VPS13A: variants seen among roughly 807,000 people sequenced by gnomAD.
VPS13A encodes intermembrane lipid transfer protein VPS13A.
VPS13A carries 264 observed loss-of-function variants against 390.9 expected under a neutral mutation model. That is an observed-to-expected ratio of 0.68 (90% CI 0.61 to 0.75). VPS13A has a LOEUF of 0.75. Among genes scored for constraint, VPS13A ranks in the 30% least tolerant of loss-of-function variants. The pLI is 0.00. For synonymous variants in VPS13A, 1,231 were observed against 1,227.1 expected, an observed-to-expected ratio of 1.00 and a Z score of -0.07; for missense variants, 3,409 against 3,733.9, an observed-to-expected ratio of 0.91 and a Z score of 2.27.
intron 5 of VPS13A, 120 bp downstream of exon 5, chr9:77,206,199 T>G: frequency 2.7e-6 from 2 of 750,360 alleles, no homozygotes; most frequent in Non-Finnish European, 2.2e-6. Flanking sequence ...TATGATAGAA[T>G]CTCATTGCAT....
rs564797495 is a variant in VPS13A, at chr9:77,232,753, C to T, written c.1595+4489C>T. ...AGACCTCATGAGACTTATTCACTAT[C>T]ATGAGAACAGCACTGGAAAAACCTA... On this transcript the variant is annotated intron_variant, in intron 17 of 71. Transcript: ENST00000360280. Among the ~76,000 whole-genome samples, 17 of 152,266 alleles carry T rather than the reference C, an allele frequency of 1.1e-4. No homozygotes were observed. The East Asian group carries it at 2.7e-3, about 24-fold the overall frequency.
chr9:77,328,148 A>G (rs562081139), intron 45 of VPS13A, among the ~76,000 whole-genome samples: 4 of 152,342 alleles, frequency 2.6e-5, no homozygotes, highest in African/African-American at 9.6e-5. Context: ...GTTAGCAGGC[A>G]TGAAAGCAAC....
rs1826172622 is a variant in VPS13A at position 77,268,703 on chromosome 9, C to A, written c.2428-4577C>A. ...ATCTGTAATCCCAGCACTTAGGGAG[C>A]CCGAGGCAGGCAGATCACTTGAGGT... On this transcript the variant is annotated intron_variant, in intron 23 of 71. Coordinates refer to ENST00000360280, the MANE Select transcript of VPS13A (RefSeq NM_033305.3). Among the ~76,000 whole-genome samples the A allele has an allele frequency of 2.0e-5, 3 of 151,940 alleles. 1 individual carries two copies. In the South Asian group the frequency reaches 6.2e-4, roughly 32 times the overall value.
intron 68 of VPS13A, among the ~76,000 whole-genome samples, chr9:77,397,148 A>G (rs1471333567): frequency 6.6e-6 from 1 of 151,746 alleles, no homozygotes; most frequent in Non-Finnish European, 1.5e-5. Flanking sequence ...TGCCACCACA[A>G]CCAGTTAATT....
At chr9:77,268,018 C>T (rs560120635) in intron 23 of VPS13A, among the ~76,000 whole-genome samples, 1 of 152,200 alleles carries the variant, frequency 6.6e-6, no homozygotes, top group Non-Finnish European at 1.5e-5. Flanking sequence ...CCGCTCCCCC[C>T]ACCAAGCATC....
intron 17 of VPS13A, among the ~76,000 whole-genome samples, chr9:77,236,192 C>G (rs1824133148): frequency 6.6e-6 from 1 of 152,152 alleles, no homozygotes; most frequent in African/African-American, 2.4e-5. Flanking sequence ...CAAGGAACAT[C>G]TGTAGTGAAG....
At chr9:77,343,963 A>G (rs1373305008) in intron 50 of VPS13A, among the ~76,000 whole-genome samples, 190 bp from the exon 51 acceptor site, 3 of 152,200 alleles carry the variant, frequency 2.0e-5, no homozygotes, top group Admixed American at 6.5e-5. Flanking sequence ...TCTTGAATGC[A>G]TAGTGCTGAC....
In VPS13A at chr9:77,418,648, A is replaced by T. The variant is rs899329737; in HGVS notation, c.*2642A>T. 2 of 139,514 alleles carry T rather than the reference A, an allele frequency of 1.4e-5. No individual in the cohort carries two copies. The highest frequency in any genetic ancestry group is 3.2e-5 in the Non-Finnish European group (2 of 63,396). The allele number at this position is 139,514 out of a possible 1,614,324, so 8.6% of individuals were successfully genotyped here. The stretch of plus-strand genomic sequence containing the variant: ...CCTAAACAATCATTACCACCTGTAG[A>T]CAGTTCTTACCTACCCCTCTCCTCC... On this transcript the variant is annotated 3_prime_UTR_variant, in exon 72 of 72. Coordinates refer to ENST00000360280, the MANE Select transcript of VPS13A (RefSeq NM_033305.3).
chr9:77,319,693 T>C lies in VPS13A; in HGVS notation c.5415+20T>C, dbSNP rs369608201. On this transcript the variant is annotated intron_variant, in intron 42 of 71. Transcript: ENST00000360280. ...ATCAAGGTATATCTATATATGTCTA[T>C]GTGTGTATATATATATATATGTATT... The C allele has an allele frequency of 8.9e-6, 11 of 1,239,236 alleles. No homozygotes were observed. Among genetic ancestry groups the C allele is most frequent in the Admixed American group, 1.8e-5 (1 of 56,410 alleles). 76.8% of individuals were successfully genotyped at this position (1,239,236 alleles called of 1,614,324 possible).
In VPS13A at chr9:77,228,158, A is replaced by G. The variant is rs912856559; in HGVS notation, c.1489A>G (p.Met497Val). ...ALKFFVHLKSMSIVLRENHQK... is the reference protein window; with the variant it reads ...ALKFFVHLKSVSIVLRENHQK... ...GAAGTTTTTTGTCCACTTGAAAAGT[A>G]TGTCTATTGTTCTAAGAGAAAATCA... Residue 497 changes from methionine (M) to valine (V), a missense_variant, in exon 17 of 72, where the codon ATG becomes GTG. This residue lies in a region of VPS13A where 2,717 missense variants were observed against 2,917.4 expected (regional missense o/e 0.93). Transcript: ENST00000360280. The G allele has an allele frequency of 4.4e-6, 7 of 1,604,346 alleles. No individual in the cohort carries two copies. Among genetic ancestry groups the G allele is most frequent in the Middle Eastern group, 2.0e-4 (1 of 4,930 alleles).
rs969119719 is a variant in VPS13A at position 77,285,526 on chromosome 9, A to G, written c.3339+1876A>G. Reference sequence around the variant, plus strand: ...TTCATAAAAAATATTTTGAAAGTAAAGGCTTAAAAAAATCCAATTTTTAAT... The same window carrying G: ...TTCATAAAAAATATTTTGAAAGTAAGGGCTTAAAAAAATCCAATTTTTAAT... On this transcript the variant is annotated intron_variant, in intron 31 of 71. Transcript: ENST00000360280. Among the ~76,000 whole-genome samples, 4 of 152,252 alleles carry G rather than the reference A, an allele frequency of 2.6e-5. No homozygotes were observed. The South Asian group carries it at 8.3e-4, about 32-fold the overall frequency.
chr9:77,248,820 C>G (rs1230821549), intron 20 of VPS13A, among the ~76,000 whole-genome samples: 1 of 152,130 alleles, frequency 6.6e-6, no homozygotes, highest in African/African-American at 2.4e-5. Flanking sequence ...CAACCTCTGC[C>G]TCCCGAGTTC....
At chr9:77,384,381 G>C (rs1563980670) in intron 68 of VPS13A, among the ~76,000 whole-genome samples, 1 of 151,668 alleles carries the variant, frequency 6.6e-6, no homozygotes, top group Admixed American at 6.6e-5. Context: ...TTTATACATT[G>C]AGTTTGTACC....
At position 77,327,916 on chromosome 9, in the gene VPS13A, AT is replaced by A. The variant is rs750478252; in HGVS notation, c.5992-4093del. On this transcript the variant is annotated intron_variant, in intron 45 of 71. Coordinates refer to ENST00000360280, the MANE Select transcript of VPS13A (RefSeq NM_033305.3). ...TTTGACCTGTTCTCATGTATCACAA[AT>A]GTTATTAATGGCGTCTAGATGATGA... Among the ~76,000 whole-genome samples, 13 of 152,250 alleles carry A rather than the reference AT, an allele frequency of 8.5e-5. No individual in the cohort carries two copies. In the East Asian group the frequency reaches 1.7e-3, roughly 20 times the overall value.
chr9:77,213,454 G>C, intron 9 of VPS13A, 140 bp downstream of exon 9: 1 of 680,106 alleles, frequency 1.5e-6, no homozygotes, highest in Non-Finnish European at 2.6e-6. Flanking sequence ...TACAGGTGAA[G>C]ATGTGTGTAA....
chr9:77,302,801 A>C, intron 33 of VPS13A, 114 bp from the exon 34 acceptor site: 1 of 1,174,044 alleles, frequency 8.5e-7, no homozygotes, highest in Non-Finnish European at 1.2e-6. Flanking sequence ...CTTTATACCC[A>C]ACAAATTATT....
In VPS13A at chr9:77,204,285, T is replaced by TGGGA. The variant is rs532005947; in HGVS notation, c.188-1028_188-1027insGGGA. Among the ~76,000 whole-genome samples the TGGGA allele has an allele frequency of 3.7e-3, 556 of 152,268 alleles. 5 individuals are homozygous for TGGGA. Among genetic ancestry groups the TGGGA allele is most frequent in the Middle Eastern group, 0.01 (3 of 292 alleles). ...CCATTTAAACAATTCTAAAATATTT[T>TGGGA]AAAACTCTCTATTACGAAAATATTC... On this transcript the variant is annotated intron_variant, in intron 3 of 71. Coordinates refer to ENST00000360280, the MANE Select transcript of VPS13A (RefSeq NM_033305.3).
chr9:77,237,910 T>C, intron 17 of VPS13A, 92 bp from the exon 18 acceptor site: 2 of 945,380 alleles, frequency 2.1e-6, no homozygotes, highest in East Asian at 2.6e-5. Flanking sequence ...CAAAGTGAAG[T>C]TGTCTTCATT....
Position 77,339,488 on chromosome 9 carries a change from TG to T in VPS13A, c.6379-27del, listed in dbSNP as rs373255264. ...TATTATTCTGCAACATTTTAAATTTTGTTTTGTTTTTTTTTTTTTTATTACA... is the reference window on the plus strand; with the variant it reads ...TATTATTCTGCAACATTTTAAATTTTTTTTGTTTTTTTTTTTTTTATTACA... On this transcript the variant is annotated intron_variant, in intron 47 of 71. Coordinates refer to ENST00000360280, the MANE Select transcript of VPS13A (RefSeq NM_033305.3). 150,890 of 1,380,702 alleles carry T rather than the reference TG, an allele frequency of 0.11. 5,626 individuals are homozygous for T. The highest frequency in any genetic ancestry group is 0.16 in the African/African-American group (11,223 of 68,356). 85.5% of individuals were successfully genotyped at this position (1,380,702 alleles called of 1,614,324 possible). A position where few individuals can be genotyped will look rare whatever the true frequency, so the allele number is the denominator to read the frequency against.
Sources: allele counts gnomAD v4.1 joint callset (sites outside exome capture counted in the v4.1 genomes callset), GRCh38; gene constraint gnomAD v4.1.1; regional missense constraint gnomAD v4.1.1; transcripts MANE v1.5; gene names NCBI Gene and HGNC (gene_info 2026-07-23, HGNC 2026-07-21).